BAIAP2: variants seen among roughly 807,000 people sequenced by gnomAD.
The protein encoded by BAIAP2 is BAR/IMD domain-containing adapter protein 2.
In BAIAP2, 18 loss-of-function variants were observed where a neutral mutation model predicts 63.0. The ratio of observed to expected loss-of-function variants is 0.29; its 90% confidence interval spans 0.20 to 0.42. The LOEUF is 0.42. Among genes scored for constraint, BAIAP2 ranks in the 10% least tolerant of loss-of-function variants. BAIAP2 has a pLI of 1.00. For missense variants in BAIAP2, 610 were observed against 734.3 expected (o/e 0.83, Z 1.96); for synonymous variants, 386 against 307.6 (o/e 1.25, Z -2.67).
At chr17:81,105,971 G>A (rs2059135524) in intron 10 of BAIAP2, 107 bp from the exon 11 acceptor site, 7 of 938,612 alleles carry the variant, frequency 7.5e-6, no homozygotes, top group Non-Finnish European at 9.8e-6. Flanking sequence ...AGAGACAGCC[G>A]CGCAGCCATG....
intron 3 of BAIAP2, among the ~76,000 whole-genome samples, chr17:81,059,573 T>C (rs2050196475): frequency 6.6e-6 from 1 of 152,188 alleles, no homozygotes; most frequent in South Asian, 2.1e-4. Context: ...GCCTCCCTAG[T>C]AGCTGGGACC....
At chr17:81,114,379 CAG>C (rs2060274349) in intron 13 of BAIAP2, among the ~76,000 whole-genome samples, 1 of 152,162 alleles carries the variant, frequency 6.6e-6, no homozygotes, top group Non-Finnish European at 1.5e-5. Flanking sequence ...GGCAGGCAGA[CAG>C]GGCATGGGCA....
intron 1 of BAIAP2, among the ~76,000 whole-genome samples, chr17:81,037,985 A>AGG (rs1241833727): frequency 6.6e-6 from 1 of 152,218 alleles, no homozygotes; most frequent in Admixed American, 6.5e-5. Context: ...TGGAAGATGA[A>AGG]GGGGAGGGGA....
intron 3 of BAIAP2, chr17:81,063,881 G>C (rs1360121760): frequency 6.6e-6 from 1 of 152,452 alleles, no homozygotes; most frequent in African/African-American, 2.4e-5. Flanking sequence ...CTCTGGGAAT[G>C]AGCCAGGCCC....
Position 81,106,272 on chromosome 17 carries a change from T to A in BAIAP2, c.1337+126T>A. 3.0e-6 allele frequency: 3 copies of A among 1,007,040 alleles called. No individual in the cohort carries two copies. In the South Asian group the frequency reaches 4.7e-5, roughly 16 times the overall value. 62.4% of individuals were successfully genotyped at this position (1,007,040 alleles called of 1,614,324 possible). On this transcript the variant is annotated intron_variant, in intron 11 of 13. Coordinates refer to ENST00000428708, the MANE Select transcript of BAIAP2 (RefSeq NM_001144888.2). ...CTCCTTGTCTGCTACCGCAGGGCCA[T>A]CCCCAGTGGCCCTGAGAGCTGGACG...
intron 4 of BAIAP2, 192 bp downstream of exon 4, chr17:81,085,085 C>A (rs763640803): frequency 2.7e-4 from 168 of 622,128 alleles, no homozygotes; most frequent in Non-Finnish European, 6.0e-5. Flanking sequence ...ACAGGCCAGA[C>A]CGCGGCCGCA....
intron 1 of BAIAP2, among the ~76,000 whole-genome samples, chr17:81,041,557 T>G (rs2047080975): frequency 6.6e-6 from 1 of 152,172 alleles, no homozygotes; most frequent in Admixed American, 6.5e-5. Context: ...TTGTTTGTTT[T>G]TTGTTTTTTC....
rs552607433 is a variant in BAIAP2 at position 81,050,822 on chromosome 17, A to G, written c.55-2846A>G. ...ATGCAGACATGAGCACACGCACACC[A>G]GAACACTAGAGTCGGCCGCATCCTC... On this transcript the variant is annotated intron_variant, in intron 1 of 13. Transcript: ENST00000428708. Among the ~76,000 whole-genome samples, 6 of 148,338 alleles carry G rather than the reference A, an allele frequency of 4.0e-5. No homozygotes were observed. In the South Asian group the frequency reaches 1.3e-3, roughly 32 times the overall value.
chr17:81,098,232 C>T, intron 6 of BAIAP2: 2 of 1,283,648 alleles, frequency 1.6e-6, no homozygotes, highest in East Asian at 3.0e-5. Flanking sequence ...CATGGGCAGG[C>T]TGGGAGGCGC....
intron 3 of BAIAP2, among the ~76,000 whole-genome samples, chr17:81,064,136 G>T (rs1014434350): frequency 6.6e-6 from 1 of 151,788 alleles, no homozygotes; most frequent in African/African-American, 2.4e-5. Flanking sequence ...AACCCTGGCT[G>T]CCCTTCTTCC....
intron 3 of BAIAP2, among the ~76,000 whole-genome samples, chr17:81,067,387 G>A (rs914613285): frequency 2.0e-5 from 3 of 152,180 alleles, no homozygotes; most frequent in Non-Finnish European, 2.9e-5. Context: ...GGAAGGGGGC[G>A]GGGGGGCCTC....
At chr17:81,113,805 C>T (rs1230504450) in intron 13 of BAIAP2, among the ~76,000 whole-genome samples, 1 of 152,128 alleles carries the variant, frequency 6.6e-6, no homozygotes, top group Non-Finnish European at 1.5e-5. Flanking sequence ...CCTACCCCTG[C>T]AGCTCCCCGT....
At chr17:81,081,865 A>G (rs1435250744) in intron 3 of BAIAP2, among the ~76,000 whole-genome samples, 1 of 152,116 alleles carries the variant, frequency 6.6e-6, no homozygotes, top group Non-Finnish European at 1.5e-5. Context: ...CCCACTCCAC[A>G]GGGCCACACA....
At chr17:81,037,861 C>A (rs149792465) in intron 1 of BAIAP2, among the ~76,000 whole-genome samples, 3 of 152,248 alleles carry the variant, frequency 2.0e-5, no homozygotes, top group Non-Finnish European at 4.4e-5. Flanking sequence ...ATTAAAAATG[C>A]GAGAATAAAA....
At chr17:81,052,829 G>A (rs1019564233) in intron 1 of BAIAP2, among the ~76,000 whole-genome samples, 1 of 152,170 alleles carries the variant, frequency 6.6e-6, no homozygotes, top group Non-Finnish European at 1.5e-5. Flanking sequence ...CGACAGGGCT[G>A]GGCGGCTTCC....
At chr17:81,066,898 G>T (rs2051570547) in intron 3 of BAIAP2, among the ~76,000 whole-genome samples, 1 of 152,234 alleles carries the variant, frequency 6.6e-6, no homozygotes. Flanking sequence ...AGCAGTGTAT[G>T]GGCATGACAC....
chr17:81,045,520 C>CGGGAGGCCACCTGCTCCTGGT lies in BAIAP2; in HGVS notation c.55-8147_55-8127dup, dbSNP rs531697480. Among the ~76,000 whole-genome samples, 1,008 of 152,226 alleles carry CGGGAGGCCACCTGCTCCTGGT rather than the reference C, an allele frequency of 6.6e-3. 4 individuals are homozygous for CGGGAGGCCACCTGCTCCTGGT. Among genetic ancestry groups the CGGGAGGCCACCTGCTCCTGGT allele is most frequent in the Non-Finnish European group, 0.011 (736 of 67,966 alleles). ...TCCCTGCACCTCGGGCCCCTCCTGG[C>CGGGAGGCCACCTGCTCCTGGT]GGGAGGCCACCTGCTCCTGGTCATA... On this transcript the variant is annotated intron_variant, in intron 1 of 13. Transcript: ENST00000428708.
rs1168775216 is a variant in BAIAP2 at position 81,115,939 on chromosome 17, G to GGCCCCGGCTGCCTGGTCTT, written c.*106_*124dup. The GGCCCCGGCTGCCTGGTCTT allele has an allele frequency of 3.9e-6, 6 of 1,550,892 alleles. No individual in the cohort carries two copies. Among genetic ancestry groups the GGCCCCGGCTGCCTGGTCTT allele is most frequent in the Non-Finnish European group, 5.2e-6 (6 of 1,148,790 alleles). ...TGCGTTCCTGTGTAGAGAACATCCA[G>GGCCCCGGCTGCCTGGTCTT]GCCCCGGCTGCCTGGTCTTGCCCCA... is the stretch of plus-strand genomic sequence containing the variant. On this transcript the variant is annotated 3_prime_UTR_variant, in exon 14 of 14. Coordinates refer to ENST00000428708, the MANE Select transcript of BAIAP2 (RefSeq NM_001144888.2).
chr17:81,098,080 G>T, intron 6 of BAIAP2: 1 of 1,317,624 alleles, frequency 7.6e-7, no homozygotes, highest in Non-Finnish European at 9.8e-7. Context: ...CCCCAGGCCA[G>T]CTGGGGTCAT....
Sources: gnomAD v4.1 joint callset for allele counts (sites outside exome capture counted in the v4.1 genomes callset) on GRCh38, gnomAD v4.1.1 for gene constraint, MANE v1.5 for transcripts, NCBI Gene and HGNC (gene_info 2026-07-23, HGNC 2026-07-21) for gene names.